Variants in NDST1 observed in about 807,000 individuals in gnomAD.
The protein encoded by NDST1 is N-deacetylase and N-sulfotransferase 1.
Under a neutral mutation model 92.8 loss-of-function variants are expected in NDST1, and 35 were observed. The ratio of observed to expected loss-of-function variants is 0.38; its 90% CI spans 0.29 to 0.50. The LOEUF (loss-of-function observed/expected upper bound fraction) is 0.50. Among genes scored for constraint, NDST1 ranks in the 20% least tolerant of loss-of-function variants. NDST1 has a pLI of 0.94. For missense variants in NDST1, 822 were observed against 1,182.7 expected (o/e 0.69, Z 4.47); for synonymous variants, 493 against 500.3 (o/e 0.99, Z 0.19).
rs1290455657 is a variant in NDST1, at chr5:150,555,760, T to C, written c.*2428T>C. The C allele has an allele frequency of 6.6e-6, 1 of 152,272 alleles. No individual in the cohort carries two copies. The highest frequency in any genetic ancestry group is 1.5e-5 in the Non-Finnish European group (1 of 68,072). The allele number at this position is 152,272 out of a possible 1,614,324, so 9.4% of individuals were successfully genotyped here. ...AGCATGGAAGGCAGGAGAGGTGGGC[T>C]GGCCTAGGGCAGGAGCTCCACTTCT... On this transcript the variant is annotated 3_prime_UTR_variant, in exon 15 of 15. Transcript: ENST00000261797.
intron 10 of NDST1, among the ~76,000 whole-genome samples, chr5:150,543,406 A>C (rs1755336713): frequency 6.6e-6 from 1 of 152,180 alleles, no homozygotes; most frequent in Admixed American, 6.5e-5. Flanking sequence ...TGGGGAAGTC[A>C]TTAAGATTGC....
intron 1 of NDST1, among the ~76,000 whole-genome samples, chr5:150,513,572 G>T (rs1371229130): frequency 1.3e-5 from 2 of 152,184 alleles, no homozygotes; most frequent in African/African-American, 4.8e-5. Context: ...GAAATAGAAG[G>T]GTGTGCACAG....
At position 150,549,800 on chromosome 5, in the gene NDST1, T is replaced by G; in HGVS notation, c.2426+13T>G. ...ACAAAACCTTGGCGTGAGTGTTGCC[T>G]TTTCCTTTCTGCAGGTTATTTCCCT... On this transcript the variant is annotated intron_variant, in intron 13 of 14. Coordinates refer to ENST00000261797, the MANE Select transcript of NDST1 (RefSeq NM_001543.5). The G allele has an allele frequency of 6.5e-7, 1 of 1,536,542 alleles. No individual in the cohort carries two copies. Among genetic ancestry groups the G allele is most frequent in the Non-Finnish European group, 9.0e-7 (1 of 1,109,362 alleles).
chr5:150,545,233 G>C (rs1457498812), intron 10 of NDST1, 79 bp from the exon 11 acceptor site: 12 of 1,523,650 alleles, frequency 7.9e-6, no homozygotes, highest in Non-Finnish European at 1.1e-5. Context: ...CTACCCCAGT[G>C]CCTCGCCCTT....
At chr5:150,509,019 C>T (rs1444662805) in intron 1 of NDST1, among the ~76,000 whole-genome samples, 1 of 152,138 alleles carries the variant, frequency 6.6e-6, no homozygotes, top group Non-Finnish European at 1.5e-5. Context: ...ACCTTACAAG[C>T]TGGGGAAGCT....
chr5:150,546,865 T>C (rs1018470493), intron 11 of NDST1, among the ~76,000 whole-genome samples: 2 of 152,234 alleles, frequency 1.3e-5, no homozygotes, highest in African/African-American at 4.8e-5. Flanking sequence ...TTCCTGTGGC[T>C]TTTTCTTTAG....
chr5:150,536,754 A>G (rs929421465), intron 6 of NDST1, among the ~76,000 whole-genome samples: 4 of 152,108 alleles, frequency 2.6e-5, no homozygotes, highest in Non-Finnish European at 4.4e-5. Context: ...TAGTTGAGAC[A>G]GGGTTTCTCC....
At chr5:150,532,481 A>G (rs1754786747) in intron 3 of NDST1, among the ~76,000 whole-genome samples, 1 of 152,088 alleles carries the variant, frequency 6.6e-6, no homozygotes, top group African/African-American at 2.4e-5. Flanking sequence ...GCTCAGAGGG[A>G]GCCCATTATG....
intron 13 of NDST1, chr5:150,550,491 C>T (rs76640203): frequency 0.025 from 3,877 of 153,704 alleles, 151 homozygotes; most frequent in East Asian, 0.16. Flanking sequence ...GTTGAGAATG[C>T]CCTCCCACTA....
At chr5:150,541,768 C>A in intron 9 of NDST1, 102 bp downstream of exon 9, 1 of 1,056,708 alleles carries the variant, frequency 9.5e-7, no homozygotes, top group Non-Finnish European at 1.4e-6. Flanking sequence ...GGATAATTTG[C>A]TCCCTCTTTC....
At chr5:150,499,298 A>T (rs575450870) in intron 1 of NDST1, among the ~76,000 whole-genome samples, 25 of 152,302 alleles carry the variant, frequency 1.6e-4, no homozygotes, top group Admixed American at 1.4e-3. Context: ...TTGAGCCTAC[A>T]TTCTCCAGGG....
At position 150,553,194 on chromosome 5, in the gene NDST1, G is replaced by A. The variant is rs1755798484; in HGVS notation, c.2530-19G>A. ...TCTTAAGTCAGTACACAAGGTCTGA[G>A]CTTTCCTTCCCGTTACAGTCCCGAG... On this transcript the variant is annotated intron_variant, in intron 14 of 14. Coordinates refer to ENST00000261797, the MANE Select transcript of NDST1 (RefSeq NM_001543.5). The surrounding 1 kb of genome is among the most constrained non-coding windows in gnomAD (Gnocchi z 4.2). The A allele has an allele frequency of 6.2e-7, 1 of 1,610,744 alleles. No individual in the cohort carries two copies. Among genetic ancestry groups the A allele is most frequent in the Non-Finnish European group, 8.5e-7 (1 of 1,177,790 alleles).
chr5:150,531,417 C>T (rs937891183), intron 3 of NDST1, among the ~76,000 whole-genome samples: 17 of 152,080 alleles, frequency 1.1e-4, no homozygotes, highest in Admixed American at 2.0e-4. Context: ...ATGGTGACTA[C>T]ATTGCCTGGG....
At chr5:150,539,385 G>C in intron 7 of NDST1, 29 bp downstream of exon 7, 2 of 1,613,550 alleles carry the variant, frequency 1.2e-6, no homozygotes, top group East Asian at 2.2e-5. Context: ...ATGGCTGCTG[G>C]TGAGAAGGGG....
intron 10 of NDST1, 146 bp from the exon 11 acceptor site, chr5:150,545,166 G>A: frequency 2.2e-6 from 2 of 903,918 alleles, no homozygotes; most frequent in African/African-American, 1.6e-5. Context: ...ATCCCCACTG[G>A]AGGCAAGTCC....
chr5:150,526,439 G>T lies in NDST1; in HGVS notation c.514-1365G>T, dbSNP rs76629498. Among the ~76,000 whole-genome samples, 209 of 152,300 alleles carry T rather than the reference G, an allele frequency of 1.4e-3. 1 individual carries two copies. The highest frequency in any genetic ancestry group is 4.7e-3 in the African/African-American group (195 of 41,556). On this transcript the variant is annotated intron_variant, in intron 2 of 14. Coordinates refer to ENST00000261797, the MANE Select transcript of NDST1 (RefSeq NM_001543.5). ...AATGAACAGATGAAACCTGTATTGA[G>T]CGTCTATCTATGCCAGGTACTAGAG...
At chr5:150,528,431 T>G (rs899023251) in intron 3 of NDST1, 133 bp downstream of exon 3, 3 of 1,018,268 alleles carry the variant, frequency 2.9e-6, no homozygotes, top group Non-Finnish European at 4.2e-6. Flanking sequence ...AGTCCCACTC[T>G]GCTTCCTGTC....
At chr5:150,539,614 C>G (rs1755153049) in intron 7 of NDST1, 3 of 985,334 alleles carry the variant, frequency 3.0e-6, no homozygotes, top group Non-Finnish European at 3.6e-6. Flanking sequence ...ATGTTCCCTT[C>G]AGTCTTTGCT....
intron 4 of NDST1, among the ~76,000 whole-genome samples, chr5:150,534,540 C>T (rs536442073): frequency 6.6e-6 from 1 of 152,334 alleles, no homozygotes; most frequent in South Asian, 2.1e-4. Context: ...TGATTTGGAT[C>T]ATTGGAATAG....
Sources: gnomAD v4.1 joint callset for allele counts (sites outside exome capture counted in the v4.1 genomes callset) on GRCh38, gnomAD v4.1.1 for gene constraint, Gnocchi (gnomAD v3.1) non-coding constraint, MANE v1.5 for transcripts, NCBI Gene and HGNC (gene_info 2026-07-23, HGNC 2026-07-21) for gene names.